The following GALNTL6 variants were observed in gnomAD, a reference collection of about 807,000 sequenced individuals.
GALNTL6 encodes polypeptide N-acetylgalactosaminyltransferase like 6.
A neutral mutation model predicts 73.7 loss-of-function variants in GALNTL6; 46 were observed. That is an observed-to-expected ratio of 0.62 (90% confidence interval 0.49 to 0.80). The LOEUF (loss-of-function observed/expected upper bound fraction) is 0.80. Among genes scored for constraint, GALNTL6 ranks in the 30% least tolerant of loss-of-function variants. The pLI, the probability that GALNTL6 is intolerant of heterozygous loss-of-function variation, is 0.00. For synonymous variants in GALNTL6, 259 were observed against 263.7 expected (o/e 0.98, Z 0.17); for missense variants, 604 against 755.0 (o/e 0.80, Z 2.34).
intron 2 of GALNTL6, among the ~76,000 whole-genome samples, chr4:172,204,366 T>C (rs567933181): frequency 8.5e-5 from 13 of 152,284 alleles, no homozygotes; most frequent in Admixed American, 8.5e-4. Context: ...TATGAACACA[T>C]TGATGCAACC....
intron 2 of GALNTL6, among the ~76,000 whole-genome samples, chr4:172,069,556 T>TTATATATAACACATATGTGTGTTATA: frequency 1.3e-5 from 1 of 74,534 alleles, no homozygotes; most frequent in Non-Finnish European, 2.8e-5. Flanking sequence ...CACATATATG[T>TTATATATAACACATATGTGTGTTATA]TATATATAAC....
intron 3 of GALNTL6, among the ~76,000 whole-genome samples, chr4:172,255,448 A>G (rs1351173788): frequency 6.6e-6 from 1 of 151,510 alleles, no homozygotes; most frequent in Non-Finnish European, 1.5e-5. Flanking sequence ...ACTATGGGAA[A>G]TCAGTGCCCC....
At chr4:172,667,051 C>T (rs1356721228) in intron 5 of GALNTL6, 1 of 152,160 alleles carries the variant, frequency 6.6e-6, no homozygotes, top group Admixed American at 6.6e-5. Flanking sequence ...ATGATAAGTC[C>T]ACTTGCTGCG....
intron 2 of GALNTL6, among the ~76,000 whole-genome samples, chr4:171,943,668 C>T (rs902137787): frequency 6.6e-5 from 10 of 152,098 alleles, no homozygotes; most frequent in Admixed American, 1.3e-4. Context: ...TCTGAATCCC[C>T]TGGTCTTCTT....
intron 2 of GALNTL6, among the ~76,000 whole-genome samples, chr4:171,862,272 A>G (rs1735849684): frequency 6.6e-6 from 1 of 152,152 alleles, no homozygotes; most frequent in African/African-American, 2.4e-5. Context: ...AGAAGATAAT[A>G]TGAATGAAAG....
At chr4:171,821,209 A>T (rs1015806248) in intron 2 of GALNTL6, among the ~76,000 whole-genome samples, 38 of 151,868 alleles carry the variant, frequency 2.5e-4, no homozygotes, top group Non-Finnish European at 4.7e-4. Flanking sequence ...ATAACTTTTT[A>T]AAAAATTTTT....
intron 5 of GALNTL6, among the ~76,000 whole-genome samples, chr4:172,412,010 A>G (rs1339203153): frequency 6.6e-6 from 1 of 151,700 alleles, no homozygotes; most frequent in Non-Finnish European, 1.5e-5. Flanking sequence ...CACTGGAAAT[A>G]TATTTTATTT....
rs1490083931 is a variant in GALNTL6 at position 172,070,316 on chromosome 4, A to G, written c.139-159340A>G. On this transcript the variant is annotated intron_variant, in intron 2 of 12. Transcript: ENST00000506823. Reference sequence around the variant, plus strand: ...CAAGAGAAAGAAATTAGAGTTCAATAAAGCAAAAACAGAACAGTGGAAGAT... The same window carrying G: ...CAAGAGAAAGAAATTAGAGTTCAATGAAGCAAAAACAGAACAGTGGAAGAT... Among the ~76,000 whole-genome samples the G allele has an allele frequency of 1.8e-5, 2 of 110,794 alleles. 1 individual carries two copies. Among genetic ancestry groups the G allele is most frequent in the Non-Finnish European group, 4.0e-5 (2 of 49,750 alleles). 72.7% of individuals were successfully genotyped at this position (110,794 alleles called of 152,430 possible).
chr4:173,021,613 G>C lies in GALNTL6; in HGVS notation c.1626G>C (p.Trp542Cys). The C allele has an allele frequency of 1.9e-6, 3 of 1,613,998 alleles. No individual in the cohort carries two copies. Among genetic ancestry groups the C allele is most frequent in the Non-Finnish European group, 2.5e-6 (3 of 1,179,974 alleles). The change falls in exon 12 of 13, where the codon TGG becomes TGC. Residue 542 changes from tryptophan (W) to cysteine (C), a missense_variant. Around this residue, in one of 5 missense-constraint regions of GALNTL6, gnomAD observed 261 missense variants for 296.5 expected, o/e 0.88. Transcript: ENST00000506823. ...DCHGMKGNQL[W>C]GYRKDRTLFH... ...ATGGCATGAAGGGGAACCAGCTCTG[G>C]GGATACCGGAAGGTAAGAGTCAGTC...
At chr4:171,956,610 T>C (rs1739056979) in intron 2 of GALNTL6, among the ~76,000 whole-genome samples, 1 of 152,242 alleles carries the variant, frequency 6.6e-6, no homozygotes, top group Admixed American at 6.5e-5. Flanking sequence ...TTGTTTATGT[T>C]AATATTCACC....
intron 8 of GALNTL6, among the ~76,000 whole-genome samples, chr4:172,917,174 C>A (rs1190876448): frequency 6.6e-6 from 1 of 152,152 alleles, no homozygotes; most frequent in Non-Finnish European, 1.5e-5. Context: ...ATAAATGGTG[C>A]TGGGAAAACT....
intron 5 of GALNTL6, among the ~76,000 whole-genome samples, chr4:172,519,770 C>T (rs540052414): frequency 1.2e-4 from 18 of 151,732 alleles, no homozygotes; most frequent in Non-Finnish European, 2.4e-4. Context: ...CTCTGCTTTT[C>T]TTCCTTCCTG....
chr4:172,920,915 G>C (rs1747756750), intron 8 of GALNTL6, among the ~76,000 whole-genome samples: 1 of 152,202 alleles, frequency 6.6e-6, no homozygotes, highest in Non-Finnish European at 1.5e-5. Context: ...TAGTAAATAA[G>C]TGAGATATCT....
intron 8 of GALNTL6, among the ~76,000 whole-genome samples, chr4:172,886,990 C>T (rs942301800): frequency 7.9e-5 from 12 of 152,084 alleles, no homozygotes; most frequent in African/African-American, 2.4e-4. Context: ...CTACTCCCTA[C>T]CCCCTCTTGT....
chr4:172,528,310 T>G (rs1201521362), intron 5 of GALNTL6, among the ~76,000 whole-genome samples: 1 of 134,490 alleles, frequency 7.4e-6, no homozygotes, highest in African/African-American at 2.9e-5. Flanking sequence ...TTTGGCTTGC[T>G]AGAAATAAAA....
At chr4:172,444,745 A>G (rs1731957860) in intron 5 of GALNTL6, among the ~76,000 whole-genome samples, 1 of 152,200 alleles carries the variant, frequency 6.6e-6, no homozygotes. Context: ...TAGAGAAATT[A>G]GGCAGCAAAA....
At chr4:172,823,671 G>A (rs1385115569) in intron 7 of GALNTL6, among the ~76,000 whole-genome samples, 1 of 152,136 alleles carries the variant, frequency 6.6e-6, no homozygotes, top group Non-Finnish European at 1.5e-5. Flanking sequence ...TAGGGGAGTG[G>A]TAGAAAGTAA....
At chr4:172,300,597 C>A (rs1322060814) in intron 3 of GALNTL6, among the ~76,000 whole-genome samples, 2 of 152,112 alleles carry the variant, frequency 1.3e-5, no homozygotes, top group Non-Finnish European at 2.9e-5. Context: ...ATTTGCTTGT[C>A]TATAAAGGAT....
At chr4:172,388,239 A>G (rs1005869325) in intron 5 of GALNTL6, among the ~76,000 whole-genome samples, 2 of 152,078 alleles carry the variant, frequency 1.3e-5, no homozygotes, top group African/African-American at 2.4e-5. Context: ...ACAGTAGGAG[A>G]GTTTAATGTA....
Sources: allele counts gnomAD v4.1 joint callset (sites outside exome capture counted in the v4.1 genomes callset), GRCh38; gene constraint gnomAD v4.1.1; regional missense constraint gnomAD v4.1.1; transcripts MANE v1.5; gene names NCBI Gene and HGNC (gene_info 2026-07-23, HGNC 2026-07-21).